ARHGEF10: variants seen among roughly 807,000 people sequenced by gnomAD.
ARHGEF10 encodes the protein Rho guanine nucleotide exchange factor (GEF) 10.
In ARHGEF10, 140 loss-of-function variants were observed where a neutral mutation model predicts 147.4. The observed-to-expected ratio is 0.95, with a 90% CI of 0.83 to 1.09. ARHGEF10 has a LOEUF of 1.09. Ranked by LOEUF, ARHGEF10 falls within the 50% of genes least tolerant of loss-of-function variation. The pLI is 0.00. For missense variants in ARHGEF10, 2,222 were observed against 1,752.7 expected (o/e 1.27, Z -4.78); for synonymous variants, 902 against 695.8 (o/e 1.30, Z -4.67).
At chr8:1,830,699 A>G (rs1803044585) in intron 1 of ARHGEF10, among the ~76,000 whole-genome samples, 1 of 152,204 alleles carries the variant, frequency 6.6e-6, no homozygotes, top group African/African-American at 2.4e-5. Flanking sequence ...TCTTCAGGAA[A>G]GATGATTTAA....
Position 1,896,412 on chromosome 8 carries a change from C to T in ARHGEF10, c.1520C>T (p.Thr507Ile). 4 of 1,613,866 alleles carry T rather than the reference C, an allele frequency of 2.5e-6. No homozygotes were observed. Among genetic ancestry groups the T allele is most frequent in the Non-Finnish European group, 3.4e-6 (4 of 1,179,958 alleles). Residue 507 changes from threonine (T) to isoleucine (I), a missense_variant, in exon 14 of 29, where the codon ACA becomes ATA. Transcript: ENST00000349830. ...FSTAVAVLKK[T>I]CATKPAFLEF... is the part of the protein sequence containing the mutation. ...ACAGCCGTGGCAGTCCTCAAGAAAA[C>T]ATGTGCCACAAAGCCCGCTTTTCTT...
chr8:1,869,652 T>C (rs1336073836), intron 7 of ARHGEF10: 2 of 321,864 alleles, frequency 6.2e-6, no homozygotes, highest in Non-Finnish European at 1.2e-5. Flanking sequence ...AAAACATAAA[T>C]TCTCAGATTT....
Position 1,857,931 on chromosome 8 carries a change from C to G in ARHGEF10, c.38-29C>G, listed in dbSNP as rs760611109. 5 of 1,448,068 alleles carry G rather than the reference C, an allele frequency of 3.5e-6. No individual in the cohort carries two copies. The South Asian group carries it at 4.6e-5, about 13-fold the overall frequency. The allele number at this position is 1,448,068 out of a possible 1,614,324, so 89.7% of individuals were successfully genotyped here. On this transcript the variant is annotated intron_variant, in intron 2 of 28. Transcript: ENST00000349830. ...CTATCTATCTATCTATCTATCTCTC[C>G]TTGATGTGGTTTTGGTTTTTCTTTT...
Position 1,945,950 on chromosome 8 carries a change from G to A in ARHGEF10, c.3397+295G>A. On this transcript the variant is annotated intron_variant, in intron 27 of 28. Transcript: ENST00000349830. ...GCCATCTCTGTAGGTCAGAGTGGGT[G>A]GGAGACGATTTCTCATCATCGGTGC... The A allele has an allele frequency of 7.4e-6, 3 of 405,770 alleles. No individual in the cohort carries two copies. The South Asian group carries it at 7.5e-5, about 10-fold the overall frequency. The allele number at this position is 405,770 out of a possible 1,614,324, so 25.1% of individuals were successfully genotyped here.
intron 26 of ARHGEF10, among the ~76,000 whole-genome samples, chr8:1,939,820 G>A (rs1585619457): frequency 6.6e-6 from 1 of 152,322 alleles, no homozygotes; most frequent in East Asian, 1.9e-4. Flanking sequence ...GGGGACTGGG[G>A]GGAAGCATGG....
intron 10 of ARHGEF10, among the ~76,000 whole-genome samples, chr8:1,884,868 G>A (rs566284227): frequency 3.3e-5 from 5 of 152,278 alleles, no homozygotes; most frequent in South Asian, 2.1e-4. Context: ...GGGTTCAGGC[G>A]ATCCTCCTGC....
chr8:1,882,529 C>G, intron 9 of ARHGEF10, 106 bp from the exon 10 acceptor site: 2 of 979,608 alleles, frequency 2.0e-6, no homozygotes, highest in South Asian at 2.8e-5. Context: ...GACACATGCG[C>G]TCACAAGAAC....
chr8:1,844,818 G>A (rs2129053205), intron 2 of ARHGEF10, among the ~76,000 whole-genome samples: 1 of 152,278 alleles, frequency 6.6e-6, no homozygotes, highest in South Asian at 2.1e-4. Context: ...TGTAATGCCA[G>A]CACTTTGGGA....
At chr8:1,921,446 A>G (rs963426414) in intron 18 of ARHGEF10, among the ~76,000 whole-genome samples, 1 of 152,248 alleles carries the variant, frequency 6.6e-6, no homozygotes, top group African/African-American at 2.4e-5. Context: ...CAGGATGTCC[A>G]GGCCAGGCAC....
intron 27 of ARHGEF10, among the ~76,000 whole-genome samples, chr8:1,946,826 G>A (rs2129277834): frequency 6.6e-6 from 1 of 152,276 alleles, no homozygotes; most frequent in East Asian, 1.9e-4. Flanking sequence ...ATGTTCCTCG[G>A]GGCCTCCGTG....
At chr8:1,875,812 G>C (rs972344053) in intron 7 of ARHGEF10, among the ~76,000 whole-genome samples, 1 of 152,228 alleles carries the variant, frequency 6.6e-6, no homozygotes. Flanking sequence ...ATATTCCTCA[G>C]TGCTTAATTA....
intron 2 of ARHGEF10, among the ~76,000 whole-genome samples, chr8:1,853,618 C>G (rs1805318574): frequency 1.3e-5 from 2 of 152,248 alleles, no homozygotes; most frequent in African/African-American, 2.4e-5. Context: ...CCCAGCCCAG[C>G]TTGCCTGGCT....
chr8:1,952,623 TG>T (rs1326045480), intron 27 of ARHGEF10, 81 bp from the exon 28 acceptor site: 2 of 1,571,904 alleles, frequency 1.3e-6, no homozygotes, highest in Non-Finnish European at 1.7e-6. Flanking sequence ...GACAGGCCTG[TG>T]GGGTTTCCAG....
At chr8:1,909,255 T>A (rs770045449) in intron 17 of ARHGEF10, 40 bp from the exon 18 acceptor site, 1 of 1,613,438 alleles carries the variant, frequency 6.2e-7, no homozygotes, top group Non-Finnish European at 8.5e-7. Flanking sequence ...AACGTGTTCA[T>A]GTAATTATTC....
At chr8:1,899,964 G>A (rs182915571) in intron 15 of ARHGEF10, among the ~76,000 whole-genome samples, 1 of 152,338 alleles carries the variant, frequency 6.6e-6, no homozygotes, top group East Asian at 1.9e-4. Context: ...CACATGCCCT[G>A]TGTTTAGCGA....
chr8:1,883,349 G>A (rs990306696), intron 10 of ARHGEF10, among the ~76,000 whole-genome samples: 3 of 152,122 alleles, frequency 2.0e-5, no homozygotes, highest in Non-Finnish European at 4.4e-5. Flanking sequence ...TCCTAAGGTC[G>A]AGTTACGGGA....
At chr8:1,924,592 G>A (rs1157361003) in intron 21 of ARHGEF10, among the ~76,000 whole-genome samples, 6 of 152,218 alleles carry the variant, frequency 3.9e-5, no homozygotes. Context: ...CTGATTAGTG[G>A]AAGGGCTTTG....
At chr8:1,879,639 A>C (rs1398295268) in intron 8 of ARHGEF10, among the ~76,000 whole-genome samples, 1 of 150,584 alleles carries the variant, frequency 6.6e-6, no homozygotes. Flanking sequence ...TGCAGCCTCC[A>C]CTTCCCAGGC....
At chr8:1,861,015 G>A (rs1244050385) in intron 4 of ARHGEF10, among the ~76,000 whole-genome samples, 1 of 152,186 alleles carries the variant, frequency 6.6e-6, no homozygotes, top group Non-Finnish European at 1.5e-5. Context: ...CAGCACAAAG[G>A]GCTCAGAGTC....
Sources: allele counts gnomAD v4.1 joint callset (sites outside exome capture counted in the v4.1 genomes callset), GRCh38; gene constraint gnomAD v4.1.1; transcripts MANE v1.5; gene names NCBI Gene and HGNC (gene_info 2026-07-23, HGNC 2026-07-21).